The following PWWP2A variants were observed in gnomAD, a reference collection of about 807,000 sequenced individuals.
PWWP2A encodes the protein PWWP domain-containing protein 2A.
In PWWP2A, 18 loss-of-function variants were observed where a neutral mutation model predicts 48.5. The ratio of observed to expected loss-of-function variants is 0.37; its 90% CI spans 0.26 to 0.55. The LOEUF is 0.55. Ranked by LOEUF, PWWP2A falls within the 20% of genes least tolerant of loss-of-function variation. PWWP2A has a pLI of 0.81. For synonymous variants in PWWP2A, 396 were observed against 387.7 expected, an observed-to-expected ratio of 1.02 and a Z score of -0.25; for missense variants, 867 against 976.4, an observed-to-expected ratio of 0.89 and a Z score of 1.49.
intron 1 of PWWP2A, among the ~76,000 whole-genome samples, chr5:160,114,256 C>T (rs975250570): frequency 2.0e-5 from 3 of 152,090 alleles, no homozygotes; most frequent in East Asian, 1.9e-4. Flanking sequence ...TCAGACCTGG[C>T]GCGGTGGCTC....
chr5:160,045,556 C>T, the PWWP2A span, among the ~76,000 whole-genome samples: 3,899 of 121,654 alleles, frequency 0.032, 284 homozygotes, highest in Admixed American at 0.067. Context: ...TCTCTCTCCC[C>T]CTCCCCTCTC....
intron 1 of PWWP2A, 102 bp downstream of exon 1, chr5:160,118,703 C>CGGGCAGCG (rs1179340992): frequency 8.4e-7 from 1 of 1,194,590 alleles, no homozygotes; most frequent in Admixed American, 4.2e-5. Flanking sequence ...GGCGGGGCCC[C>CGGGCAGCG]GGGCAGCGGG....
chr5:160,075,921 C>T (rs1753864750), exon 4 of PWWP2A: 1 of 148,444 alleles, frequency 6.7e-6, no homozygotes, highest in Admixed American at 6.7e-5. Context: ...AAAGGTTACA[C>T]AACATTCTTT....
At chr5:160,064,692 C>T (rs1304421982) in intron 4 of PWWP2A, among the ~76,000 whole-genome samples, 2 of 152,166 alleles carry the variant, frequency 1.3e-5, no homozygotes, top group Non-Finnish European at 2.9e-5. Context: ...CAGCAGGACT[C>T]CACTCTCATC....
At chr5:160,115,203 T>A (rs1053530245) in intron 1 of PWWP2A, among the ~76,000 whole-genome samples, 4 of 147,940 alleles carry the variant, frequency 2.7e-5, no homozygotes, top group African/African-American at 1.0e-4. Flanking sequence ...TCCAGCCTAG[T>A]CTCTGAAACG....
At chr5:160,050,510 C>T in the PWWP2A span, among the ~76,000 whole-genome samples, 4 of 152,036 alleles carry the variant, frequency 2.6e-5, no homozygotes, top group East Asian at 7.7e-4. Flanking sequence ...GCACTGTAAA[C>T]ATCTGATATG....
rs909747439 is a variant in PWWP2A, at chr5:160,082,139, C to G, written c.1550-1369G>C. Among the ~76,000 whole-genome samples the G allele has an allele frequency of 1.8e-4, 27 of 152,268 alleles. No individual in the cohort carries two copies. The East Asian group carries it at 3.9e-3, about 22-fold the overall frequency. On this transcript the variant is annotated intron_variant, in intron 2 of 3. Coordinates refer to the PWWP2A transcript ENST00000456329. ...AGCAATCACACAAGAATAAGGGAAT[C>G]TGAGTGCACTAAAGAAATTATCTGG... is the stretch of plus-strand genomic sequence containing the variant.
chr5:160,085,484 T>C (rs1754552793), intron 2 of PWWP2A, among the ~76,000 whole-genome samples: 1 of 150,434 alleles, frequency 6.6e-6, no homozygotes, highest in East Asian at 2.0e-4. Flanking sequence ...CAAGTCAGTA[T>C]AAGCAAGTAA....
intron 1 of PWWP2A, among the ~76,000 whole-genome samples, chr5:160,100,513 T>C (rs1756160922): frequency 6.6e-6 from 1 of 151,822 alleles, no homozygotes. Flanking sequence ...ATGCCTATAA[T>C]CCCTGCACTT....
At chr5:160,080,751 T>C (rs1227022335) in exon 3 of PWWP2A, 1 of 1,563,132 alleles carries the variant, frequency 6.4e-7, no homozygotes, top group Admixed American at 1.9e-5. Flanking sequence ...TCTGATGTAA[T>C]AGCTGCCATT....
chr5:160,058,046 C>T (rs571002162), downstream of PWWP2A, among the ~76,000 whole-genome samples: 54 of 152,314 alleles, frequency 3.5e-4, no homozygotes, highest in African/African-American at 1.1e-3. Context: ...GGATTATAGG[C>T]GTGAGCCACT....
downstream of PWWP2A, among the ~76,000 whole-genome samples, chr5:160,057,891 C>T (rs1049913614): frequency 1.3e-5 from 2 of 152,126 alleles, no homozygotes; most frequent in African/African-American, 2.4e-5. This position sits in a 1 kb window ranked among gnomAD's most constrained non-coding sequence, Gnocchi z 4.4. Flanking sequence ...CCTCAGCCTC[C>T]CAAGTAGCTG....
chr5:160,063,966 CTT>C (rs34967107), intron 4 of PWWP2A, among the ~76,000 whole-genome samples: 3 of 106,670 alleles, frequency 2.8e-5, no homozygotes, highest in African/African-American at 3.7e-5. Context: ...TAGACCATGA[CTT>C]TTTTTTTTTT....
At chr5:160,049,539 C>T in the PWWP2A span, 40 of 1,579,452 alleles carry the variant, frequency 2.5e-5, 3 homozygotes, top group South Asian at 4.8e-4. Flanking sequence ...CCAGCTATAT[C>T]AGGGCAATAT....
chr5:160,113,158 C>CAAA, intron 1 of PWWP2A: 4 of 737,840 alleles, frequency 5.4e-6, no homozygotes, highest in Non-Finnish European at 6.6e-6. Flanking sequence ...GACTCTGTGT[C>CAAA]AAAAAAAAAA....
At chr5:160,095,047 CA>C (rs70987998) in intron 1 of PWWP2A, among the ~76,000 whole-genome samples, 321 of 30,758 alleles carry the variant, frequency 0.01, 1 homozygote, top group African/African-American at 0.029. Context: ...GACTCTGTCT[CA>C]AAAAAAAAAA....
At chr5:160,101,642 A>G (rs1391720680) in intron 1 of PWWP2A, among the ~76,000 whole-genome samples, 1 of 142,586 alleles carries the variant, frequency 7.0e-6, no homozygotes, top group African/African-American at 2.6e-5. Context: ...TTAATGGTTA[A>G]AATACATTTT....
In PWWP2A at chr5:160,108,589, C is replaced by T. The variant is rs1303915142; in HGVS notation, c.584+10216G>A. 7.8e-6 allele frequency: 10 copies of T among 1,287,540 alleles called. No individual in the cohort carries two copies. The Admixed American group carries it at 9.2e-5, about 12-fold the overall frequency. The allele number at this position is 1,287,540 out of a possible 1,614,324, so 79.8% of individuals were successfully genotyped here. A position where few individuals can be genotyped will look rare whatever the true frequency, so the allele number is the denominator to read the frequency against. On this transcript the variant is annotated intron_variant, in intron 1 of 1. Transcript: ENST00000307063. Reference sequence around the variant, plus strand: ...TATATTTTTCCCACCAAAAGTAGGGCTATTGCACCATACGTTTCATGGTCT... The same window carrying T: ...TATATTTTTCCCACCAAAAGTAGGGTTATTGCACCATACGTTTCATGGTCT...
In PWWP2A at chr5:160,118,900, C is replaced by T; in HGVS notation, c.489G>A (p.Arg163=). The change falls in exon 1 of 2, where the codon CGG becomes CGA. Residue 163 remains arginine, a synonymous_variant. Coordinates refer to ENST00000307063, the MANE Select transcript of PWWP2A (RefSeq NM_001130864.2). ...VSQLIPGSEV[R]VTLDHIIEDA... ...CCTCAATGATGTGGTCCAGCGTGAC[C>T]CGCACCTCCGAGCCCGGGATCAGTT... is the stretch of plus-strand genomic sequence containing the variant. 1.2e-6 allele frequency: 2 copies of T among 1,602,038 alleles called. No individual in the cohort carries two copies. The highest frequency in any genetic ancestry group is 1.7e-6 in the Non-Finnish European group (2 of 1,175,200).
Sources: allele counts gnomAD v4.1 joint callset (sites outside exome capture counted in the v4.1 genomes callset), GRCh38; gene constraint gnomAD v4.1.1; non-coding constraint Gnocchi (gnomAD v3.1); transcripts MANE v1.5; gene names NCBI Gene and HGNC (gene_info 2026-07-23, HGNC 2026-07-21).